Variants in CFAP61 observed in about 807,000 individuals in gnomAD.
CFAP61 encodes the protein cilia- and flagella-associated protein 61.
CFAP61 carries 107 observed loss-of-function variants against 135.6 expected under a neutral mutation model. That is an observed-to-expected ratio of 0.79 (90% CI 0.67 to 0.93). The LOEUF is 0.93. Among genes scored for constraint, CFAP61 ranks in the 40% least tolerant of loss-of-function variants. The pLI, the probability that CFAP61 is intolerant of heterozygous loss-of-function variation, is 0.00. For missense variants in CFAP61, 1,507 were observed against 1,556.2 expected, an observed-to-expected ratio of 0.97 and a Z score of 0.53; for synonymous variants, 575 against 578.5, an observed-to-expected ratio of 0.99 and a Z score of 0.09.
intron 8 of CFAP61, among the ~76,000 whole-genome samples, chr20:20,125,689 T>C (rs1232931542): frequency 6.6e-6 from 1 of 151,864 alleles, no homozygotes; most frequent in Non-Finnish European, 1.5e-5. Context: ...ATGTGCATTC[T>C]GTAGTTGTTG....
At chr20:20,217,354 A>G (rs539007137) in intron 17 of CFAP61, among the ~76,000 whole-genome samples, 1 of 152,358 alleles carries the variant, frequency 6.6e-6, no homozygotes, top group South Asian at 2.1e-4. Flanking sequence ...TAGCTGAAAG[A>G]CTAAAATTGT....
chr20:20,134,118 G>T (rs1432278168), intron 8 of CFAP61, among the ~76,000 whole-genome samples: 2 of 152,178 alleles, frequency 1.3e-5, no homozygotes, highest in African/African-American at 4.8e-5. Context: ...TTGTCTTGAA[G>T]GATAAAAGAG....
At chr20:20,347,543 C>T (rs1463961835) in intron 26 of CFAP61, among the ~76,000 whole-genome samples, 1 of 152,128 alleles carries the variant, frequency 6.6e-6, no homozygotes, top group Non-Finnish European at 1.5e-5. Context: ...ACATTACTAT[C>T]GACCTTATGG....
chr20:20,158,985 A>G (rs1395979295), intron 9 of CFAP61, among the ~76,000 whole-genome samples: 1 of 152,228 alleles, frequency 6.6e-6, no homozygotes. Flanking sequence ...CTTTTGATAT[A>G]ATTACTTTTG....
At position 20,359,339 on chromosome 20, in the gene CFAP61, C is replaced by T. The variant is rs1373783604; in HGVS notation, c.3514-871C>T. On this transcript the variant is annotated intron_variant, in intron 26 of 26. Coordinates refer to ENST00000245957, the MANE Select transcript of CFAP61 (RefSeq NM_015585.4). This position sits in a 1 kb window ranked among gnomAD's most constrained non-coding sequence, Gnocchi z 4.0. ...GACCTTTCAAGTAAAAAGGTTTAAT[C>T]ACTCCTTTTTTTTATTTTTAAATTT... 6.9e-6 allele frequency among the ~76,000 whole-genome samples: 1 copy of T among 145,758 alleles called. No individual in the cohort carries two copies. Among genetic ancestry groups the T allele is most frequent in the Non-Finnish European group, 1.5e-5 (1 of 64,934 alleles).
intron 23 of CFAP61, among the ~76,000 whole-genome samples, 168 bp downstream of exon 23, chr20:20,289,104 A>G (rs1420894884): frequency 6.6e-6 from 1 of 152,214 alleles, no homozygotes; most frequent in Non-Finnish European, 1.5e-5. Flanking sequence ...AGCATTTATT[A>G]CAAACCTGGA....
intron 2 of CFAP61, chr20:20,069,770 C>A: frequency 2.2e-6 from 1 of 456,278 alleles, no homozygotes; most frequent in South Asian, 1.5e-5. Flanking sequence ...TCTGCACTGA[C>A]AGTGTATTCC....
intron 3 of CFAP61, among the ~76,000 whole-genome samples, chr20:20,071,990 C>A (rs1399892389): frequency 6.6e-6 from 1 of 150,600 alleles, no homozygotes; most frequent in Non-Finnish European, 1.5e-5. Flanking sequence ...AGATTTTTGT[C>A]CATTAGGATG....
chr20:20,052,685 C>G (rs748341517), intron 1 of CFAP61, 94 bp downstream of exon 1: 5 of 1,613,012 alleles, frequency 3.1e-6, no homozygotes, highest in Non-Finnish European at 4.2e-6. Context: ...ACTGGGATGA[C>G]CAGGCGAGGA....
chr20:20,098,745 G>A lies in CFAP61; in HGVS notation c.790G>A (p.Gly264Arg), dbSNP rs200393265. 282 of 1,613,938 alleles carry A rather than the reference G, an allele frequency of 1.7e-4. No individual in the cohort carries two copies. Among genetic ancestry groups the A allele is most frequent in the South Asian group, 4.7e-4 (43 of 91,072 alleles). ...GTGCTTTGACTTGGGCCCTTTCCAC[G>A]GACTCTGTTTCCCACATCCTGATGA... ...HECFDLGPFH[G>R]LCFPHPDDVL... Residue 264 changes from glycine (G) to arginine (R), a missense_variant, in exon 8 of 27, where the codon GGA becomes AGA. Gly to Arg is a moderately radical substitution (Grantham distance 125, BLOSUM62 -2). Coordinates refer to ENST00000245957, the MANE Select transcript of CFAP61 (RefSeq NM_015585.4).
At chr20:20,255,247 C>T (rs570348298) in intron 20 of CFAP61, among the ~76,000 whole-genome samples, 1 of 152,332 alleles carries the variant, frequency 6.6e-6, no homozygotes, top group African/African-American at 2.4e-5. Context: ...CACAGGGCCA[C>T]TCTCCATGAC....
chr20:20,081,850 G>A (rs1247410415), intron 6 of CFAP61, among the ~76,000 whole-genome samples: 1 of 152,232 alleles, frequency 6.6e-6, no homozygotes, highest in African/African-American at 2.4e-5. Context: ...AGAGGTGACA[G>A]TGGGTACTTT....
At chr20:20,294,789 G>A (rs536716532) in intron 24 of CFAP61, among the ~76,000 whole-genome samples, 3 of 151,234 alleles carry the variant, frequency 2.0e-5, no homozygotes, top group East Asian at 1.9e-4. Flanking sequence ...TTAGCCGGGC[G>A]CGGTGGCTGG....
chr20:20,138,281 G>A (rs894759888), intron 8 of CFAP61, among the ~76,000 whole-genome samples: 9 of 152,178 alleles, frequency 5.9e-5, no homozygotes, highest in Non-Finnish European at 8.8e-5. Flanking sequence ...TTACTAGCTC[G>A]CATGTCCCCT....
rs2059414741 is a variant in CFAP61 at position 20,359,964 on chromosome 20, A to T, written c.3514-246A>T. On this transcript the variant is annotated intron_variant, in intron 26 of 26. Coordinates refer to ENST00000245957, the MANE Select transcript of CFAP61 (RefSeq NM_015585.4). This position sits in a 1 kb window ranked among gnomAD's most constrained non-coding sequence, Gnocchi z 4.0. ...GAAGATGAGAAAGTCCTGGAGATGG[A>T]CAGTGGTGAGGGTTACACAGCAATG... 6.6e-6 allele frequency among the ~76,000 whole-genome samples: 1 copy of T among 152,200 alleles called. No homozygotes were observed. Among genetic ancestry groups the T allele is most frequent in the Admixed American group, 6.5e-5 (1 of 15,272 alleles).
At chr20:20,200,946 G>A (rs1325407014) in intron 17 of CFAP61, 4 of 985,400 alleles carry the variant, frequency 4.1e-6, no homozygotes, top group Non-Finnish European at 4.8e-6. Context: ...AGGCAGCTTT[G>A]TGTCTTACAT....
intron 25 of CFAP61, among the ~76,000 whole-genome samples, chr20:20,308,853 C>T (rs2056640894): frequency 6.6e-6 from 1 of 152,138 alleles, no homozygotes; most frequent in Non-Finnish European, 1.5e-5. Context: ...CATCTGGCAG[C>T]ATGTGGTTGA....
At chr20:20,354,142 GA>G (rs555909776) in intron 26 of CFAP61, among the ~76,000 whole-genome samples, 22 of 152,126 alleles carry the variant, frequency 1.4e-4, no homozygotes, top group African/African-American at 5.3e-4. Context: ...ATTCAGCCTT[GA>G]AAAAAAGGAA....
At chr20:20,354,502 C>CAAA (rs112245982) in intron 26 of CFAP61, among the ~76,000 whole-genome samples, 12 of 133,906 alleles carry the variant, frequency 9.0e-5, no homozygotes, top group African/African-American at 1.1e-4. Flanking sequence ...GACCTTGTCT[C>CAAA]AAAAAAAAAA....
Sources: gnomAD v4.1 joint callset for allele counts (sites outside exome capture counted in the v4.1 genomes callset) on GRCh38, gnomAD v4.1.1 for gene constraint, Gnocchi (gnomAD v3.1) non-coding constraint, MANE v1.5 for transcripts, NCBI Gene and HGNC (gene_info 2026-07-23, HGNC 2026-07-21) for gene names.